Variants in TCF4 observed in about 807,000 individuals in gnomAD.
TCF4 encodes transcription factor 4.
Under a neutral mutation model 82.1 loss-of-function variants are expected in TCF4, and 3 were observed. The observed-to-expected ratio is 0.04, with a 90% confidence interval of 0.02 to 0.09. The LOEUF (loss-of-function observed/expected upper bound fraction) is 0.09, where lower values mean the gene tolerates loss of function less well. Ranked by LOEUF, TCF4 falls within the 10% of genes least tolerant of loss-of-function variation. The pLI, the probability that TCF4 is intolerant of heterozygous loss-of-function variation, is 1.00. For synonymous variants in TCF4, 276 were observed against 309.6 expected (o/e 0.89, Z 1.14); for missense variants, 518 against 852.7 (o/e 0.61, Z 4.89).
intron 10 of TCF4, among the ~76,000 whole-genome samples, chr18:55,270,955 A>G (rs1039060065): frequency 2.0e-5 from 3 of 152,164 alleles, no homozygotes; most frequent in Non-Finnish European, 2.9e-5. Flanking sequence ...TTCATATGCA[A>G]TATATTAATG....
intron 5 of TCF4, 83 bp from the exon 6 acceptor site, chr18:55,403,601 C>CT (rs1164154747): frequency 6.2e-7 from 1 of 1,613,110 alleles, no homozygotes; most frequent in Admixed American, 1.7e-5. Context: ...ATCTACTGCT[C>CT]TTCCCCGATG....
chr18:55,336,507 G>C (rs1402831063), intron 8 of TCF4, among the ~76,000 whole-genome samples: 3 of 151,952 alleles, frequency 2.0e-5, no homozygotes, highest in Non-Finnish European at 4.4e-5. Flanking sequence ...TACTAGGAGA[G>C]AAATAAATAA....
chr18:55,350,556 G>C, intron 7 of TCF4, 148 bp from the exon 8 acceptor site: 1 of 888,314 alleles, frequency 1.1e-6, no homozygotes, highest in South Asian at 1.4e-5. Flanking sequence ...TTCGATTCTA[G>C]CAGAAATCAA....
chr18:55,436,946 G>C (rs944089534), intron 5 of TCF4, among the ~76,000 whole-genome samples: 2 of 152,142 alleles, frequency 1.3e-5, no homozygotes, highest in Non-Finnish European at 2.9e-5. Context: ...AGTCCTAGAA[G>C]ATAGCAGAGA....
intron 12 of TCF4, 93 bp downstream of exon 12, chr18:55,261,373 C>T: frequency 6.9e-7 from 1 of 1,457,398 alleles, no homozygotes; most frequent in Non-Finnish European, 9.6e-7. Flanking sequence ...AAGCTATTTG[C>T]CATTCATTTT....
chr18:55,405,165 T>C (rs564559536), intron 5 of TCF4, among the ~76,000 whole-genome samples: 1 of 152,362 alleles, frequency 6.6e-6, no homozygotes, highest in South Asian at 2.1e-4. Flanking sequence ...TTAAGCTACT[T>C]ATACCCTTTA....
intron 14 of TCF4, among the ~76,000 whole-genome samples, chr18:55,256,994 AG>A (rs2056994263): frequency 6.6e-6 from 1 of 152,148 alleles, no homozygotes; most frequent in African/African-American, 2.4e-5. Context: ...CTGGAGTTCC[AG>A]CACTCTGATA....
At chr18:55,297,850 G>A (rs2067001907) in intron 8 of TCF4, among the ~76,000 whole-genome samples, 1 of 151,702 alleles carries the variant, frequency 6.6e-6, no homozygotes, top group Admixed American at 6.6e-5. Context: ...GAAACTTTTG[G>A]CAAAAGTGGT....
intron 3 of TCF4, among the ~76,000 whole-genome samples, chr18:55,479,959 T>C (rs1223489728): frequency 6.6e-6 from 1 of 152,178 alleles, no homozygotes; most frequent in Non-Finnish European, 1.5e-5. Flanking sequence ...CTATCCTTCT[T>C]TCCCTTTCAG....
At chr18:55,518,843 T>C (rs2096907885) in intron 3 of TCF4, 1 of 152,130 alleles carries the variant, frequency 6.6e-6, no homozygotes, top group Non-Finnish European at 1.5e-5. Context: ...TTGTGTGTTT[T>C]CTCACAATTA....
chr18:55,300,099 TAC>T (rs372975426), intron 8 of TCF4, among the ~76,000 whole-genome samples: 6,251 of 147,504 alleles, frequency 0.042, 200 homozygotes, highest in South Asian at 0.17. Flanking sequence ...CATACAGATA[TAC>T]ACACACACAC....
At chr18:55,385,564 GC>G (rs1315453909) in intron 6 of TCF4, among the ~76,000 whole-genome samples, 2 of 152,088 alleles carry the variant, frequency 1.3e-5, no homozygotes, top group Admixed American at 6.5e-5. Context: ...ACCACACCCT[GC>G]TAATTTTGTA....
intron 8 of TCF4, among the ~76,000 whole-genome samples, chr18:55,313,975 C>T (rs1001339779): frequency 9.2e-5 from 14 of 152,078 alleles, no homozygotes; most frequent in Admixed American, 2.0e-4. Context: ...AGAGATAAAA[C>T]GTTGGCGATA....
intron 3 of TCF4, among the ~76,000 whole-genome samples, chr18:55,547,428 T>C (rs2097216248): frequency 6.6e-6 from 1 of 152,200 alleles, no homozygotes; most frequent in Non-Finnish European, 1.5e-5. Flanking sequence ...TTTGAAAACA[T>C]TTATTAAAAT....
At chr18:55,389,416 T>C (rs1348422954) in intron 6 of TCF4, among the ~76,000 whole-genome samples, 1 of 152,116 alleles carries the variant, frequency 6.6e-6, no homozygotes, top group African/African-American at 2.4e-5. Flanking sequence ...GAAAAAGAAG[T>C]GCTCCAAAGG....
At chr18:55,416,546 A>G (rs879691864) in intron 5 of TCF4, among the ~76,000 whole-genome samples, 2 of 152,238 alleles carry the variant, frequency 1.3e-5, no homozygotes, top group Admixed American at 1.3e-4. Flanking sequence ...AATAAAGCCA[A>G]GTAACATTTC....
Position 55,588,184 on chromosome 18 carries a change from C to A in TCF4, c.-167G>T. The A allele has an allele frequency of 8.5e-7, 1 of 1,170,512 alleles. No individual in the cohort carries two copies. The highest frequency in any genetic ancestry group is 1.0e-6 in the Non-Finnish European group (1 of 952,644). 72.5% of individuals were successfully genotyped at this position (1,170,512 alleles called of 1,614,324 possible). On this transcript the variant is annotated 5_prime_UTR_variant, in exon 1 of 20. Coordinates refer to ENST00000354452, the MANE Select transcript of TCF4 (RefSeq NM_001083962.2). ...GCCGCCGCCGCCGCCGCCGCCACTACAGATCCGCAGACACACAGCCAAGAT... is the reference window on the plus strand; with the variant it reads ...GCCGCCGCCGCCGCCGCCGCCACTAAAGATCCGCAGACACACAGCCAAGAT...
At chr18:55,409,396 T>TG (rs1165688178) in intron 5 of TCF4, among the ~76,000 whole-genome samples, 1 of 152,122 alleles carries the variant, frequency 6.6e-6, no homozygotes, top group Non-Finnish European at 1.5e-5. Context: ...TTTAATGAGA[T>TG]GGGGTCTCAC....
At chr18:55,502,270 C>T (rs1340184101) in intron 3 of TCF4, among the ~76,000 whole-genome samples, 1 of 152,142 alleles carries the variant, frequency 6.6e-6, no homozygotes, top group Non-Finnish European at 1.5e-5. Context: ...AATCTAAAGT[C>T]ACTGAATTCT....
Sources: gnomAD v4.1 joint callset for allele counts (sites outside exome capture counted in the v4.1 genomes callset) on GRCh38, gnomAD v4.1.1 for gene constraint, MANE v1.5 for transcripts, NCBI Gene and HGNC (gene_info 2026-07-23, HGNC 2026-07-21) for gene names.